The following CACNB2 variants were observed in gnomAD, a reference collection of about 807,000 sequenced individuals.
CACNB2 encodes the protein voltage-dependent L-type calcium channel subunit beta-2.
Under a neutral mutation model 73.3 loss-of-function variants are expected in CACNB2, and 42 were observed. The observed-to-expected ratio is 0.57, with a 90% CI of 0.45 to 0.74. CACNB2 has a LOEUF of 0.74. Ranked by LOEUF, CACNB2 falls within the 30% of genes least tolerant of loss-of-function variation. The pLI is 0.00. For missense variants in CACNB2, 940 were observed against 853.0 expected (o/e 1.10, Z -1.27); for synonymous variants, 348 against 310.3 (o/e 1.12, Z -1.28).
intron 2 of CACNB2, among the ~76,000 whole-genome samples, chr10:18,323,691 C>T (rs940215823): frequency 2.6e-5 from 4 of 152,152 alleles, no homozygotes; most frequent in Non-Finnish European, 5.9e-5. Context: ...AGTCTCAATA[C>T]TGGAAAATTC....
At chr10:18,179,070 C>T (rs1420338532) in intron 2 of CACNB2, among the ~76,000 whole-genome samples, 1 of 152,180 alleles carries the variant, frequency 6.6e-6, no homozygotes, top group African/African-American at 2.4e-5. Flanking sequence ...CTAGGCCTTA[C>T]TGCGGAACAG....
chr10:18,144,632 A>G (rs1264538449), intron 1 of CACNB2, among the ~76,000 whole-genome samples: 1 of 152,196 alleles, frequency 6.6e-6, no homozygotes, highest in African/African-American at 2.4e-5. Flanking sequence ...GGCTGGTCTG[A>G]ACTGATATGT....
chr10:18,275,879 A>G (rs1012548343), intron 2 of CACNB2, among the ~76,000 whole-genome samples: 1 of 152,216 alleles, frequency 6.6e-6, no homozygotes, highest in Admixed American at 6.5e-5. Flanking sequence ...GTAGGACTTT[A>G]CTATCAGTTG....
intron 3 of CACNB2, among the ~76,000 whole-genome samples, chr10:18,464,418 T>TAAAATAAAAAAAAAAAATAAAAA (rs1554824204): frequency 1.2e-5 from 1 of 85,298 alleles, no homozygotes; most frequent in Admixed American, 1.5e-4. Context: ...TCTCAAAAAT[T>TAAAATAAAAAAAAAAAATAAAAA]AAAAAAAAAA....
intron 9 of CACNB2, 64 bp downstream of exon 9, chr10:18,519,032 A>G (rs1219580959): frequency 2.9e-6 from 4 of 1,387,508 alleles, no homozygotes; most frequent in Non-Finnish European, 4.1e-6. Context: ...CGCTGGTGGG[A>G]CATGCGTGTG....
intron 2 of CACNB2, among the ~76,000 whole-genome samples, chr10:18,261,700 T>G (rs1015015498): frequency 6.6e-6 from 1 of 152,142 alleles, no homozygotes; most frequent in East Asian, 1.9e-4. Context: ...ACCACGGAGT[T>G]TGACAAATTA....
intron 2 of CACNB2, among the ~76,000 whole-genome samples, chr10:18,195,882 C>T (rs1470570982): frequency 6.6e-6 from 1 of 152,176 alleles, no homozygotes; most frequent in African/African-American, 2.4e-5. Context: ...ACAGAGCATA[C>T]TCTTCTTTGT....
At chr10:18,283,205 C>G (rs1177600317) in intron 2 of CACNB2, among the ~76,000 whole-genome samples, 2 of 152,160 alleles carry the variant, frequency 1.3e-5, no homozygotes, top group Admixed American at 6.6e-5. Flanking sequence ...AATAGGAACA[C>G]TTTTACACTG....
At chr10:18,292,236 T>G (rs1255857157) in intron 2 of CACNB2, among the ~76,000 whole-genome samples, 4 of 152,228 alleles carry the variant, frequency 2.6e-5, no homozygotes, top group Non-Finnish European at 5.9e-5. Context: ...GGAAACAAGA[T>G]AGCATAGCTG....
chr10:18,497,359 A>G (rs1196014372), intron 3 of CACNB2, among the ~76,000 whole-genome samples: 2 of 152,170 alleles, frequency 1.3e-5, no homozygotes, highest in Non-Finnish European at 2.9e-5. Context: ...CATCTTGTGG[A>G]TAAATAGGTA....
intron 2 of CACNB2, among the ~76,000 whole-genome samples, chr10:18,246,693 G>T (rs534510799): frequency 6.6e-6 from 1 of 152,090 alleles, no homozygotes; most frequent in African/African-American, 2.4e-5. Context: ...TGATCCTCCC[G>T]CCTCAGCCTC....
intron 3 of CACNB2, among the ~76,000 whole-genome samples, chr10:18,479,743 A>G (rs917058708): frequency 2.0e-5 from 3 of 152,076 alleles, no homozygotes; most frequent in African/African-American, 7.2e-5. Flanking sequence ...CTCTCCTGTG[A>G]TAAGACATGC....
intron 2 of CACNB2, among the ~76,000 whole-genome samples, chr10:18,263,401 C>CT (rs2037647301): frequency 6.6e-6 from 1 of 152,154 alleles, no homozygotes; most frequent in Admixed American, 6.5e-5. Flanking sequence ...TTTCTCAAAT[C>CT]TGTTGTCAGT....
chr10:18,443,911 C>T (rs1248006119), intron 3 of CACNB2, among the ~76,000 whole-genome samples: 6 of 152,012 alleles, frequency 3.9e-5, no homozygotes, highest in African/African-American at 1.2e-4. Context: ...GACGAGGTTT[C>T]GCCATGTTGG....
At chr10:18,385,575 C>T (rs918045923) in intron 2 of CACNB2, among the ~76,000 whole-genome samples, 1 of 142,884 alleles carries the variant, frequency 7.0e-6, no homozygotes, top group African/African-American at 2.6e-5. Context: ...TGTGGTGAGC[C>T]GAGATCGTGC....
chr10:18,406,821 T>TA (rs2055732112), intron 3 of CACNB2, among the ~76,000 whole-genome samples: 1 of 152,078 alleles, frequency 6.6e-6, no homozygotes, highest in East Asian at 1.9e-4. Flanking sequence ...ACTGCTGCCT[T>TA]AGAGGATGGA....
At chr10:18,504,789 C>T (rs1258856524) in intron 5 of CACNB2, among the ~76,000 whole-genome samples, 4 of 152,072 alleles carry the variant, frequency 2.6e-5, no homozygotes, top group African/African-American at 9.7e-5. Flanking sequence ...GGACTACAGG[C>T]ATGCACCACC....
rs1252923696 is a variant in CACNB2, at chr10:18,542,072, T to G, written c.*2348T>G. 6.7e-6 allele frequency: 1 copy of G among 149,576 alleles called. No individual in the cohort carries two copies. Among genetic ancestry groups the G allele is most frequent in the South Asian group, 2.2e-4 (1 of 4,650 alleles). 9.3% of individuals were successfully genotyped at this position (149,576 alleles called of 1,614,324 possible). A position where few individuals can be genotyped will look rare whatever the true frequency, so the allele number is the denominator to read the frequency against. On this transcript the variant is annotated 3_prime_UTR_variant, in exon 14 of 14. Transcript: ENST00000324631. ...AAGCTGGGGTGGTAGAGTATACCTGTAGACCCAGCTACTTGGGAGGCTGAG... is the reference window on the plus strand; with the variant it reads ...AAGCTGGGGTGGTAGAGTATACCTGGAGACCCAGCTACTTGGGAGGCTGAG...
At chr10:18,532,253 T>TA in intron 10 of CACNB2, among the ~76,000 whole-genome samples, 1 of 152,206 alleles carries the variant, frequency 6.6e-6, no homozygotes, top group Non-Finnish European at 1.5e-5. Flanking sequence ...GTGTAAAGTA[T>TA]GTATGTAAGG....
Sources: allele counts gnomAD v4.1 joint callset (sites outside exome capture counted in the v4.1 genomes callset), GRCh38; gene constraint gnomAD v4.1.1; transcripts MANE v1.5; gene names NCBI Gene and HGNC (gene_info 2026-07-23, HGNC 2026-07-21).